CARD9: variants seen among roughly 807,000 people sequenced by gnomAD.
The protein encoded by CARD9 is caspase recruitment domain family member 9.
Under a neutral mutation model 66.0 loss-of-function variants are expected in CARD9, and 53 were observed. The ratio of observed to expected loss-of-function variants is 0.80; its 90% CI spans 0.64 to 1.01. The LOEUF (loss-of-function observed/expected upper bound fraction) is 1.01. Among genes scored for constraint, CARD9 ranks in the 50% least tolerant of loss-of-function variants. The pLI is 0.00. For missense variants in CARD9, 769 were observed against 743.2 expected (o/e 1.03, Z -0.40); for synonymous variants, 387 against 313.8 (o/e 1.23, Z -2.47).
At chr9:136,366,893 TG>T in intron 9 of CARD9, 48 bp from the exon 10 acceptor site, 1 of 1,606,752 alleles carries the variant, frequency 6.2e-7, no homozygotes, top group Non-Finnish European at 8.5e-7. Flanking sequence ...CGCCAAGGAC[TG>T]GACCCGGCCA....
chr9:136,370,182 GCGCTGCACTGGGGTC>G, intron 6 of CARD9, 97 bp downstream of exon 6: 2 of 1,499,998 alleles, frequency 1.3e-6, no homozygotes, highest in Non-Finnish European at 1.8e-6. Flanking sequence ...GTGAGTGGAG[GCGCTGCACTGGGGTC>G]TCCACACCCC....
At chr9:136,366,498 C>T (rs970610838) in intron 10 of CARD9, 9 of 496,528 alleles carry the variant, frequency 1.8e-5, no homozygotes, top group East Asian at 3.6e-5. Flanking sequence ...AGGGGCCCCA[C>T]ACTCTCAGGA....
rs1489924914 is a variant in CARD9 at position 136,364,487 on chromosome 9, G to C, written c.1507C>G (p.Arg503Gly). 1.3e-6 allele frequency: 2 copies of C among 1,539,974 alleles called. No homozygotes were observed. The highest frequency in any genetic ancestry group is 1.4e-5 in the African/African-American group (1 of 73,034). Residue 503 changes from arginine to glycine, a missense_variant, in exon 12 of 13, where the codon CGC becomes GGC. Transcript: ENST00000371732. The part of the protein sequence containing the change: ...RRLKESFENY[R>G]RKRALRKMQK... ...GCCTGGGGGCCGCCCGCCTACCTGC[G>C]GTAGTTCTCAAAACTCTCTTTGAGG...
Position 136,367,833 on chromosome 9 carries a change from CGGGACAGCACAAGGCCG to C in CARD9, c.1078-22_1078-6del. 1 of 1,597,000 alleles carries C rather than the reference CGGGACAGCACAAGGCCG, an allele frequency of 6.3e-7. No homozygotes were observed. Among genetic ancestry groups the C allele is most frequent in the Admixed American group, 1.7e-5 (1 of 59,798 alleles). ...CTCCTCCCGCGTGGCTATGGCCTGA[CGGGACAGCACAAGGCCG>C]ACCCTCAGTGAGGGCCCCAAGCTTG... On this transcript the variant is annotated splice_polypyrimidine_tract_variant and splice_region_variant and intron_variant, in intron 7 of 12. Transcript: ENST00000371732.
At position 136,371,297 on chromosome 9, in the gene CARD9, G is replaced by C. The variant is rs764046899; in HGVS notation, c.322+27C>G. On this transcript the variant is annotated intron_variant, in intron 3 of 12. Transcript: ENST00000371732. ...CCCGCTCCCCGCCAGCGCCTCCCCT[G>C]TCGGCCCCGCCTCCCCCGTCACTCA... The C allele has an allele frequency of 6.9e-6, 11 of 1,589,774 alleles. No individual in the cohort carries two copies. In the Admixed American group the frequency reaches 1.8e-4, roughly 25 times the overall value.
chr9:136,366,929 C>T (rs911615344), intron 9 of CARD9, 84 bp from the exon 10 acceptor site: 3 of 1,494,758 alleles, frequency 2.0e-6, no homozygotes, highest in Non-Finnish European at 2.8e-6. Context: ...GCCCTTGGCC[C>T]TCAGCTGGGT....
chr9:136,363,999 A>C lies in CARD9; in HGVS notation c.*303T>G. On this transcript the variant is annotated 3_prime_UTR_variant, in exon 13 of 13. Transcript: ENST00000371732. ...TTTATTTACGCAGCTGTGTTTTCTA[A>C]CACTAATACAATGCATGCATGTATT... is the stretch of plus-strand genomic sequence containing the variant. The C allele has an allele frequency of 7.8e-7, 1 of 1,275,602 alleles. No individual in the cohort carries two copies. Among genetic ancestry groups the C allele is most frequent in the South Asian group, 1.3e-5 (1 of 78,376 alleles). 79.0% of individuals were successfully genotyped at this position (1,275,602 alleles called of 1,614,324 possible).
At chr9:136,369,616 G>A in intron 7 of CARD9, 134 bp downstream of exon 7, 1 of 1,496,720 alleles carries the variant, frequency 6.7e-7, no homozygotes, top group Non-Finnish European at 8.9e-7. Context: ...GCCACCCTGG[G>A]TGACATAGCA....
At chr9:136,373,046 G>GAGACTGGGACTGCGGCA (rs1384503708) in intron 1 of CARD9, among the ~76,000 whole-genome samples, 1 of 152,164 alleles carries the variant, frequency 6.6e-6, no homozygotes, top group African/African-American at 2.4e-5. Context: ...CACTCCCTCT[G>GAGACTGGGACTGCGGCA]AGACTGGGAC....
Position 136,364,416 on chromosome 9 carries a change from G to T in CARD9, c.1512-15C>A, listed in dbSNP as rs779306309. On this transcript the variant is annotated splice_polypyrimidine_tract_variant and intron_variant, in intron 12 of 12. Coordinates refer to ENST00000371732, the MANE Select transcript of CARD9 (RefSeq NM_052813.5). ...GGGCGCGCTTCCTGTGAAGACAGGT[G>T]TCTCAGGCGCGACCCGGCTGCCGCT... The T allele has an allele frequency of 6.5e-7, 1 of 1,544,918 alleles. No individual in the cohort carries two copies. The highest frequency in any genetic ancestry group is 8.7e-7 in the Non-Finnish European group (1 of 1,148,092).
In CARD9 at chr9:136,371,009, C is replaced by T. The variant is rs1833255723; in HGVS notation, c.459G>A (p.Leu153=). The change falls in exon 4 of 13, where the codon CTG becomes CTA. Residue 153 remains leucine, a synonymous_variant. Coordinates refer to ENST00000371732, the MANE Select transcript of CARD9 (RefSeq NM_052813.5). ...GCACACGCTCCTGGTGCTTGCGCAG[C>T]AGGCTGTCCTTCACCCGCAGCTCCT... ...FIKELRVKDS[L]LRKHQERVQR... is the part of the protein sequence containing the mutation. 1.9e-6 allele frequency: 3 copies of T among 1,611,738 alleles called. No homozygotes were observed. The highest frequency in any genetic ancestry group is 2.5e-6 in the Non-Finnish European group (3 of 1,179,578).
At chr9:136,367,947 G>A in intron 7 of CARD9, 119 bp from the exon 8 acceptor site, 6 of 1,448,670 alleles carry the variant, frequency 4.1e-6, no homozygotes, top group Non-Finnish European at 5.4e-6. Flanking sequence ...TGGGCGCGGA[G>A]GCTGGTCACA....
intron 10 of CARD9, 109 bp from the exon 11 acceptor site, chr9:136,365,326 G>C: frequency 1.9e-6 from 2 of 1,031,066 alleles, no homozygotes; most frequent in South Asian, 1.3e-5. Context: ...CCAAGGCCTG[G>C]TGGGATCCCC....
Position 136,370,832 on chromosome 9 carries a change from C to T in CARD9, c.627+9G>A, listed in dbSNP as rs531220860. 1.5e-5 allele frequency: 24 copies of T among 1,592,696 alleles called. No individual in the cohort carries two copies. Among genetic ancestry groups the T allele is most frequent in the African/African-American group, 2.7e-5 (2 of 74,520 alleles). ...GGGTGGCCTGGTTTCCCGGGGGCAG[C>T]GGGCGCACCTCCAGCTGCAGGTCAC... On this transcript the variant is annotated intron_variant, in intron 4 of 12. Transcript: ENST00000371732.
chr9:136,364,813 C>T, intron 11 of CARD9: 1 of 599,794 alleles, frequency 1.7e-6, no homozygotes, highest in South Asian at 2.0e-5. Flanking sequence ...GGGTCCGGGC[C>T]ATTGTTTCTA....
At chr9:136,368,124 G>C in intron 7 of CARD9, 3 of 975,540 alleles carry the variant, frequency 3.1e-6, no homozygotes, top group Non-Finnish European at 4.2e-6. Flanking sequence ...TTTGGACGCG[G>C]CTTGATATGG....
rs775922619 is a variant in CARD9, at chr9:136,371,117, C to A, written c.351G>T (p.Gln117His). 1 of 1,612,590 alleles carries A rather than the reference C, an allele frequency of 6.2e-7. No homozygotes were observed. The highest frequency in any genetic ancestry group is 8.5e-7 in the Non-Finnish European group (1 of 1,179,894). The part of the protein sequence containing the change: ...IDASGESGLT[Q>H]LLMTEVMKLQ... ...GCTTCATGACCTCAGTCATCAGCAG[C>A]TGAGTCAGGCCTGACTCCCCGGACG... The change falls in exon 4 of 13, where the codon CAG (glutamine) becomes CAT (histidine). Residue 117 changes from glutamine (Q) to histidine (H), a missense_variant. Physicochemically the swap from Gln to His is conservative, Grantham distance 24. Coordinates refer to ENST00000371732, the MANE Select transcript of CARD9 (RefSeq NM_052813.5).
rs761129740 is a variant in CARD9 at position 136,371,324 on chromosome 9, C to T, written c.322G>A (p.Asp108Asn). ...EPARVFSMII[D>N]ASGESGLTQL... ...CGGCCCCGCCTCCCCCGTCACTCAC[C>T]GATGATCATGGAGAAGACGCGGGCC... Residue 108 changes from aspartate to asparagine, a missense_variant and splice_region_variant, in exon 3 of 13, where the codon GAC becomes AAC. By Grantham distance (23) the Asp-to-Asn change is conservative. Transcript: ENST00000371732. 1.9e-6 allele frequency: 3 copies of T among 1,602,234 alleles called. No homozygotes were observed. The highest frequency in any genetic ancestry group is 2.6e-6 in the Non-Finnish European group (3 of 1,175,044).
At chr9:136,364,796 C>A (rs1833078996) in intron 11 of CARD9, 3 of 602,882 alleles carry the variant, frequency 5.0e-6, no homozygotes, top group Non-Finnish European at 8.8e-6. Flanking sequence ...GCCACGGCTC[C>A]AGCCTGGGGT....
Sources: allele counts gnomAD v4.1 joint callset (sites outside exome capture counted in the v4.1 genomes callset), GRCh38; gene constraint gnomAD v4.1.1; transcripts MANE v1.5; gene names NCBI Gene and HGNC (gene_info 2026-07-23, HGNC 2026-07-21).